The following PRDM10 variants were observed in gnomAD, a reference collection of about 807,000 sequenced individuals.
The protein encoded by PRDM10 is PR domain zinc finger protein 10.
PRDM10 carries 65 observed loss-of-function variants against 133.1 expected under a neutral mutation model. The ratio of observed to expected loss-of-function variants is 0.49; its 90% CI spans 0.40 to 0.60. The LOEUF is 0.60. Ranked by LOEUF, PRDM10 falls within the 20% of genes least tolerant of loss-of-function variation. The pLI is 0.00. For synonymous variants in PRDM10, 582 were observed against 580.4 expected (o/e 1.00, Z -0.04); for missense variants, 1,137 against 1,507.1 (o/e 0.75, Z 4.07).
At chr11:129,935,799 T>A (rs547651461) in intron 8 of PRDM10, among the ~76,000 whole-genome samples, 1 of 152,204 alleles carries the variant, frequency 6.6e-6, no homozygotes, top group African/African-American at 2.4e-5. Context: ...CTAGAAACAA[T>A]CTCATCATGT....
chr11:129,919,682 G>A (rs968846510), intron 13 of PRDM10, among the ~76,000 whole-genome samples: 3 of 152,138 alleles, frequency 2.0e-5, no homozygotes, highest in Admixed American at 2.0e-4. Context: ...TGGGACACAT[G>A]AATAAATTGT....
chr11:130,001,835 C>T (rs4264162), intron 1 of PRDM10, among the ~76,000 whole-genome samples: 11,066 of 152,102 alleles, frequency 0.073, 496 homozygotes, highest in Admixed American at 0.15. Flanking sequence ...GCGCTGCACC[C>T]TGGGTGCAGG....
intron 13 of PRDM10, among the ~76,000 whole-genome samples, chr11:129,921,061 T>TGC (rs1950509628): frequency 6.6e-6 from 1 of 152,172 alleles, no homozygotes; most frequent in South Asian, 2.1e-4. Context: ...CCTCCCAAAG[T>TGC]GCTGGGATTA....
intron 14 of PRDM10, 111 bp from the exon 15 acceptor site, chr11:129,917,348 G>T: frequency 1.3e-6 from 1 of 777,018 alleles, no homozygotes; most frequent in Non-Finnish European, 2.0e-6. Flanking sequence ...CTGAAGCAAT[G>T]CCCCCAAATA....
intron 1 of PRDM10, among the ~76,000 whole-genome samples, chr11:129,969,802 G>A (rs1000113135): frequency 1.3e-5 from 2 of 152,064 alleles, no homozygotes; most frequent in Non-Finnish European, 2.9e-5. Context: ...GTGAGACCCT[G>A]TCTCAAAAAA....
rs1212057229 is a variant in PRDM10 at position 129,927,365 on chromosome 11, T to C, written c.1531-2136A>G. Among the ~76,000 whole-genome samples the C allele has an allele frequency of 6.6e-5, 10 of 152,304 alleles. No homozygotes were observed. In the East Asian group the frequency reaches 1.7e-3, roughly 26 times the overall value. On this transcript the variant is annotated intron_variant, in intron 11 of 20. Transcript: ENST00000360871. Reference sequence around the variant, plus strand: ...TTTCAAAACTTTACGGAAATATTGCTGATGAACCAATACTATTGTGAGGTT... The same window carrying C: ...TTTCAAAACTTTACGGAAATATTGCCGATGAACCAATACTATTGTGAGGTT...
chr11:129,947,522 C>T lies in PRDM10; in HGVS notation c.295-152G>A. On this transcript the variant is annotated intron_variant, in intron 4 of 20. Transcript: ENST00000360871. The surrounding 1 kb of genome is among the most constrained non-coding windows in gnomAD (Gnocchi z 4.6). ...GCCCTGGAAAAATGACTTCCATCTA[C>T]CGGCTGTGAGGAAGAGCTGGCTTCA... The T allele has an allele frequency of 6.6e-7, 1 of 1,506,432 alleles. No individual in the cohort carries two copies. The highest frequency in any genetic ancestry group is 1.3e-5 in the South Asian group (1 of 74,240). 93.3% of individuals were successfully genotyped at this position (1,506,432 alleles called of 1,614,324 possible). A position where few individuals can be genotyped will look rare whatever the true frequency, so the allele number is the denominator to read the frequency against.
chr11:129,971,639 CAG>C (rs1399805250), intron 1 of PRDM10, among the ~76,000 whole-genome samples: 6 of 134,908 alleles, frequency 4.4e-5, no homozygotes, highest in Non-Finnish European at 7.4e-5. Flanking sequence ...CAGCTAGATA[CAG>C]AGTGTCGATT....
chr11:129,930,616 GCA>G (rs1358984628), intron 11 of PRDM10, among the ~76,000 whole-genome samples: 6 of 152,322 alleles, frequency 3.9e-5, no homozygotes, highest in Non-Finnish European at 8.8e-5. Context: ...CTGTAGATAA[GCA>G]CATTTAGTTA....
Position 130,002,755 on chromosome 11 carries a change from G to A in PRDM10, c.-152C>T, listed in dbSNP as rs1434922334. The A allele has an allele frequency of 6.1e-6, 1 of 164,056 alleles. No individual in the cohort carries two copies. The highest frequency in any genetic ancestry group is 6.5e-5 in the Admixed American group (1 of 15,440). The allele number at this position is 164,056 out of a possible 1,614,324, so 10.2% of individuals were successfully genotyped here. ...GGGTGAGGGGAGCTGGAAGATCAGC[G>A]GGTCCCCGATCCTCTCTCCCTAGGG... On this transcript the variant is annotated 5_prime_UTR_variant, in exon 1 of 21. Coordinates refer to ENST00000360871, the MANE Select transcript of PRDM10 (RefSeq NM_199437.2).
intron 1 of PRDM10, among the ~76,000 whole-genome samples, chr11:129,978,194 G>A (rs181437798): frequency 1.9e-4 from 29 of 152,266 alleles, no homozygotes; most frequent in South Asian, 2.1e-4. Flanking sequence ...CACTCCAGGC[G>A]TGTCTAGGGG....
chr11:129,952,184 G>A (rs1016124062), intron 4 of PRDM10, among the ~76,000 whole-genome samples: 6 of 152,172 alleles, frequency 3.9e-5, no homozygotes, highest in African/African-American at 1.4e-4. Context: ...GATTGTTTCT[G>A]GAGATTGGAA....
intron 19 of PRDM10, among the ~76,000 whole-genome samples, chr11:129,908,066 C>T (rs1950070336): frequency 6.6e-6 from 1 of 152,176 alleles, no homozygotes; most frequent in South Asian, 2.1e-4. Context: ...CACCACTGTA[C>T]TCCAGACTGG....
Position 129,915,687 on chromosome 11 carries a change from G to C in PRDM10, c.2499C>G (p.Pro833=), listed in dbSNP as rs753746182. The C allele has an allele frequency of 6.2e-7, 1 of 1,612,842 alleles. No homozygotes were observed. The highest frequency in any genetic ancestry group is 8.5e-7 in the Non-Finnish European group (1 of 1,179,310). Residue 833 remains proline, a synonymous_variant, in exon 16 of 21, where the codon CCC becomes CCG. Coordinates refer to ENST00000360871, the MANE Select transcript of PRDM10 (RefSeq NM_199437.2). ...GTIATPPVCC[P]HCSKQYSSKT... ...TGCTGCTGTACTGCTTGGAGCAGTGGGGACAGCAGACGGGAGGGGTGGCGA... is the reference window on the plus strand; with the variant it reads ...TGCTGCTGTACTGCTTGGAGCAGTGCGGACAGCAGACGGGAGGGGTGGCGA...
chr11:129,936,715 T>C (rs1238838077), intron 8 of PRDM10, among the ~76,000 whole-genome samples: 2 of 152,072 alleles, frequency 1.3e-5, no homozygotes, highest in Admixed American at 1.3e-4. Context: ...TTATCAAACC[T>C]GAGGAGCTAC....
intron 11 of PRDM10, among the ~76,000 whole-genome samples, chr11:129,927,825 T>A (rs1482303918): frequency 6.6e-6 from 1 of 152,196 alleles, no homozygotes; most frequent in African/African-American, 2.4e-5. Context: ...GCCATTTCTG[T>A]TCTAAGGTGT....
chr11:129,902,817 C>T (rs78475122), intron 20 of PRDM10, among the ~76,000 whole-genome samples: 2,498 of 152,246 alleles, frequency 0.016, 31 homozygotes, highest in Middle Eastern at 0.041. Flanking sequence ...TTGCAATGCT[C>T]CTAATGATTT....
chr11:129,924,816 C>T, intron 12 of PRDM10, 66 bp downstream of exon 12: 1 of 1,416,878 alleles, frequency 7.1e-7, no homozygotes, highest in East Asian at 2.3e-5. Context: ...TCTCGGTTTT[C>T]CAAAAATCGA....
chr11:129,940,677 C>T (rs1401212063), intron 7 of PRDM10, among the ~76,000 whole-genome samples: 1 of 152,152 alleles, frequency 6.6e-6, no homozygotes, highest in Admixed American at 6.5e-5. Flanking sequence ...AGGTATTAAG[C>T]CCAGAATGCA....
Sources: gnomAD v4.1 joint callset for allele counts (sites outside exome capture counted in the v4.1 genomes callset) on GRCh38, gnomAD v4.1.1 for gene constraint, Gnocchi (gnomAD v3.1) non-coding constraint, MANE v1.5 for transcripts, NCBI Gene and HGNC (gene_info 2026-07-23, HGNC 2026-07-21) for gene names.